OLFM1: variants seen among roughly 807,000 people sequenced by gnomAD.
OLFM1 encodes noelin.
In OLFM1, 9 loss-of-function variants were observed where a neutral mutation model predicts 49.7. That is an observed-to-expected ratio of 0.18 (90% CI 0.11 to 0.32). OLFM1 has a LOEUF of 0.32. OLFM1 is among the 10% of genes least tolerant of loss of function. The probability of loss-of-function intolerance (pLI) is 1.00; values close to 1 mark genes in which losing one functional copy is unlikely to be tolerated. For synonymous variants in OLFM1, 240 were observed against 271.8 expected (o/e 0.88, Z 1.15); for missense variants, 369 against 661.8 (o/e 0.56, Z 4.85).
intron 2 of OLFM1, among the ~76,000 whole-genome samples, chr9:135,092,141 C>T (rs1830725373): frequency 6.6e-6 from 1 of 152,202 alleles, no homozygotes; most frequent in South Asian, 2.1e-4. Flanking sequence ...ACAGCATTGA[C>T]CCGACTCGGG....
At chr9:135,077,719 T>C (rs1173486820) in intron 1 of OLFM1, among the ~76,000 whole-genome samples, 6 of 152,212 alleles carry the variant, frequency 3.9e-5, no homozygotes, top group Admixed American at 2.0e-4. Context: ...GGGGAATGTG[T>C]CCCTTGACTC....
chr9:135,093,302 C>T (rs1233996455), intron 2 of OLFM1, among the ~76,000 whole-genome samples: 1 of 152,246 alleles, frequency 6.6e-6, no homozygotes, highest in East Asian at 1.9e-4. Context: ...TTTGAAGAAG[C>T]ACTTGGCTCT....
intron 2 of OLFM1, among the ~76,000 whole-genome samples, chr9:135,091,769 TCACACACACA>T (rs749011628): frequency 9.0e-5 from 3 of 33,166 alleles, no homozygotes; most frequent in Non-Finnish European, 1.9e-4. Context: ...ACTCACACAG[TCACACACACA>T]CTCACACATA....
chr9:135,118,531 G>GGTCTTTGGAGTGCTCACTGT (rs1831131240), intron 5 of OLFM1, among the ~76,000 whole-genome samples: 1 of 150,486 alleles, frequency 6.6e-6, no homozygotes, highest in Admixed American at 6.6e-5. Context: ...ATGCTCGCTG[G>GGTCTTTGGAGTGCTCACTGT]GTCTTTGGAA....
chr9:135,090,385 TTTG>T, intron 2 of OLFM1, 41 bp downstream of exon 2: 1 of 1,449,384 alleles, frequency 6.9e-7, no homozygotes, highest in East Asian at 2.5e-5. Flanking sequence ...TGTGTGTGTG[TTTG>T]TGTGTGTGTG....
intron 2 of OLFM1, among the ~76,000 whole-genome samples, chr9:135,094,467 G>A (rs1257631029): frequency 6.6e-6 from 1 of 152,134 alleles, no homozygotes; most frequent in Non-Finnish European, 1.5e-5. Flanking sequence ...TGAAAAAGGT[G>A]CTGTAGTTAT....
intron 5 of OLFM1, among the ~76,000 whole-genome samples, chr9:135,108,984 A>G (rs1184261414): frequency 6.6e-6 from 1 of 151,738 alleles, no homozygotes; most frequent in Non-Finnish European, 1.5e-5. Flanking sequence ...CCCACTATGC[A>G]GAGCAGGAAA....
rs1380026455 is a variant in OLFM1 at position 135,088,480 on chromosome 9, A to G, written c.150+341A>G. On this transcript the variant is annotated intron_variant, in intron 1 of 5. Coordinates refer to ENST00000371793, the MANE Select transcript of OLFM1 (RefSeq NM_001282611.2). The surrounding 1 kb of genome is among the most constrained non-coding windows in gnomAD (Gnocchi z 4.8). ...TCATGAGCCCCCCATTGAAAAGGTT[A>G]GGAAACTAAGGCTGGGGACTTGGGG... 1.3e-5 allele frequency among the ~76,000 whole-genome samples: 2 copies of G among 151,960 alleles called. No individual in the cohort carries two copies. The highest frequency in any genetic ancestry group is 4.8e-5 in the African/African-American group (2 of 41,366).
intron 4 of OLFM1, among the ~76,000 whole-genome samples, chr9:135,104,022 A>G (rs910944575): frequency 9.9e-5 from 15 of 152,172 alleles, no homozygotes; most frequent in African/African-American, 3.4e-4. Flanking sequence ...CATTCCATAC[A>G]AATCCCCAGG....
At position 135,119,801 on chromosome 9, in the gene OLFM1, G is replaced by A. The variant is rs1222086077; in HGVS notation, c.1081G>A (p.Glu361Lys). 1.9e-6 allele frequency: 3 copies of A among 1,613,964 alleles called. No homozygotes were observed. The highest frequency in any genetic ancestry group is 2.2e-5 in the South Asian group (2 of 91,088). The change falls in exon 6 of 6, where the codon GAG becomes AAG. Residue 361 changes from glutamate to lysine, a missense_variant. Physicochemically the swap from Glu to Lys is moderately conservative, Grantham distance 56. Around this residue, in one of 3 missense-constraint regions of OLFM1, gnomAD observed 294 missense variants for 567.5 expected, o/e 0.52. Transcript: ENST00000371793. ...GHSDIDLMVD[E>K]SGLWAVYATN... ...CTCGGACATCGACCTCATGGTGGAC[G>A]AGAGCGGGCTGTGGGCCGTGTACGC...
chr9:135,106,920 C>A, intron 5 of OLFM1, 65 bp downstream of exon 5: 1 of 1,311,858 alleles, frequency 7.6e-7, no homozygotes. Context: ...CCTGGTGGGC[C>A]CCAGACATGG....
chr9:135,116,937 G>A lies in OLFM1; in HGVS notation c.784-2567G>A, dbSNP rs184808165. On this transcript the variant is annotated intron_variant, in intron 5 of 5. Coordinates refer to ENST00000371793, the MANE Select transcript of OLFM1 (RefSeq NM_001282611.2). Reference sequence around the variant, plus strand: ...CACATCTGCTTGTAAGTATCGAATGGATGTCTTGAGAAGAAGGTTATAATT... The same window carrying A: ...CACATCTGCTTGTAAGTATCGAATGAATGTCTTGAGAAGAAGGTTATAATT... Among the ~76,000 whole-genome samples, 10 of 151,394 alleles carry A rather than the reference G, an allele frequency of 6.6e-5. No homozygotes were observed. The East Asian group carries it at 1.5e-3, about 23-fold the overall frequency.
At chr9:135,087,001 C>T (rs1830605969), upstream of OLFM1, among the ~76,000 whole-genome samples, 1 of 152,268 alleles carries the variant, frequency 6.6e-6, no homozygotes, top group African/African-American at 2.4e-5. Context: ...CCAGGGCCCT[C>T]ACTGCGCACC....
At position 135,120,922 on chromosome 9, in the gene OLFM1, A is replaced by G. The variant is rs923432410; in HGVS notation, c.*744A>G. On this transcript the variant is annotated 3_prime_UTR_variant, in exon 6 of 6. Transcript: ENST00000371793. ...ATGGTTTTTGTTTCTAAAAAGAAAAAAAAAATCAGTGTTCACCCTTATAGA... is the reference window on the plus strand; with the variant it reads ...ATGGTTTTTGTTTCTAAAAAGAAAAGAAAAATCAGTGTTCACCCTTATAGA... 2.0e-5 allele frequency: 3 copies of G among 152,616 alleles called. No homozygotes were observed. Among genetic ancestry groups the G allele is most frequent in the Non-Finnish European group, 4.4e-5 (3 of 68,060 alleles). 9.5% of individuals were successfully genotyped at this position (152,616 alleles called of 1,614,324 possible).
At chr9:135,091,075 T>C (rs1235457794) in intron 2 of OLFM1, among the ~76,000 whole-genome samples, 1 of 152,264 alleles carries the variant, frequency 6.6e-6, no homozygotes, top group African/African-American at 2.4e-5. Flanking sequence ...GGTGGACTTA[T>C]TTGTCCCAAG....
intron 1 of OLFM1, chr9:135,076,741 C>A: frequency 6.8e-7 from 1 of 1,463,628 alleles, no homozygotes. Context: ...GATGGGCAGC[C>A]AGTACCTTGG....
chr9:135,096,051 TATC>T (rs1320064951), intron 3 of OLFM1, 32 bp downstream of exon 3: 19 of 432,216 alleles, frequency 4.4e-5, no homozygotes, highest in Non-Finnish European at 6.0e-5. Context: ...TCCCTCCCCT[TATC>T]CTCCTCCTCC....
intron 5 of OLFM1, among the ~76,000 whole-genome samples, chr9:135,110,565 T>C (rs566010962): frequency 1.3e-5 from 2 of 152,274 alleles, no homozygotes; most frequent in South Asian, 4.1e-4. Context: ...GGTGGAAATA[T>C]CCAAAATGCA....
At chr9:135,087,483 A>C (rs1226707033), upstream of OLFM1, 3 of 1,497,142 alleles carry the variant, frequency 2.0e-6, no homozygotes, top group African/African-American at 1.4e-5. Context: ...CCGTCTCCTC[A>C]TGTCACCCTG....
Sources: gnomAD v4.1 joint callset for allele counts (sites outside exome capture counted in the v4.1 genomes callset) on GRCh38, gnomAD v4.1.1 for gene constraint, gnomAD v4.1.1 regional missense constraint, Gnocchi (gnomAD v3.1) non-coding constraint, MANE v1.5 for transcripts, NCBI Gene and HGNC (gene_info 2026-07-23, HGNC 2026-07-21) for gene names.